LAMA2: variants seen among roughly 807,000 people sequenced by gnomAD.
The protein encoded by LAMA2 is laminin subunit alpha-2.
In LAMA2, 269 loss-of-function variants were observed where a neutral mutation model predicts 364.8. The observed-to-expected ratio is 0.74, with a 90% confidence interval of 0.67 to 0.82. The LOEUF (loss-of-function observed/expected upper bound fraction) is 0.82, where lower values mean the gene tolerates loss of function less well. Ranked by LOEUF, LAMA2 falls within the 40% of genes least tolerant of loss-of-function variation. The pLI, the probability that LAMA2 is intolerant of heterozygous loss-of-function variation, is 0.00. For missense variants in LAMA2, 3,807 were observed against 3,873.2 expected (o/e 0.98, Z 0.45); for synonymous variants, 1,379 against 1,370.6 (o/e 1.01, Z -0.14).
rs894918042 is a variant in LAMA2, at chr6:129,315,814, A to G, written c.3788A>G (p.Glu1263Gly). 6.2e-7 allele frequency: 1 copy of G among 1,614,112 alleles called. No homozygotes were observed. Among genetic ancestry groups the G allele is most frequent in the South Asian group, 1.1e-5 (1 of 91,076 alleles). Residue 1263 changes from glutamate to glycine, a missense_variant, in exon 26 of 65, where the codon GAA (glutamate) becomes GGA (glycine). Glu to Gly is a moderately conservative substitution (Grantham distance 98). Transcript: ENST00000421865. ...LKYAIYFEAR[E>G]ETGFSTYNPQ... ...TATGCAATCTATTTCGAGGCTCGGG[A>G]AGAAACAGGTTTCTCTACATATAAT...
intron 1 of LAMA2, among the ~76,000 whole-genome samples, chr6:128,995,184 CATTTT>C (rs1783851003): frequency 6.6e-6 from 1 of 152,068 alleles, no homozygotes; most frequent in South Asian, 2.1e-4. Context: ...GACTGTTTTC[CATTTT>C]ATTTTATTTT....
intron 1 of LAMA2, among the ~76,000 whole-genome samples, chr6:128,921,359 A>G (rs965274726): frequency 6.6e-6 from 1 of 152,188 alleles, no homozygotes; most frequent in Non-Finnish European, 1.5e-5. Context: ...GCATCCTTCA[A>G]AAAGAAATGT....
At chr6:128,900,944 G>T (rs185137662) in intron 1 of LAMA2, among the ~76,000 whole-genome samples, 18 of 152,320 alleles carry the variant, frequency 1.2e-4, no homozygotes, top group South Asian at 1.0e-3. Flanking sequence ...TTGAGGCCAG[G>T]AGTTCAAGAC....
At chr6:129,193,961 G>A (rs1301271848) in intron 12 of LAMA2, among the ~76,000 whole-genome samples, 1 of 152,092 alleles carries the variant, frequency 6.6e-6, no homozygotes, top group Non-Finnish European at 1.5e-5. Context: ...TACAAAAAAT[G>A]TGTAAATGTC....
intron 12 of LAMA2, among the ~76,000 whole-genome samples, chr6:129,202,351 T>G (rs1782358193): frequency 6.6e-6 from 1 of 152,064 alleles, no homozygotes; most frequent in South Asian, 2.1e-4. Context: ...TGTGATAGTA[T>G]TTAGAGGTGG....
chr6:129,300,632 C>T, intron 21 of LAMA2, 104 bp from the exon 22 acceptor site: 1 of 1,200,622 alleles, frequency 8.3e-7, no homozygotes, highest in South Asian at 1.2e-5. Flanking sequence ...AAGTGTAGAA[C>T]TGAAAAGAAA....
intron 1 of LAMA2, among the ~76,000 whole-genome samples, chr6:129,034,536 T>C (rs1786478560): frequency 6.6e-6 from 1 of 152,064 alleles, no homozygotes; most frequent in African/African-American, 2.4e-5. Flanking sequence ...GTATATTGTG[T>C]AATGGTGAGG....
chr6:129,315,498 C>T lies in LAMA2; in HGVS notation c.3578C>T (p.Thr1193Ile). ...CAGGTGACTCTGAAGGCTGAGCAGA[C>T]CATTCTACCCCTGGTAGATGAGGCT... ...RTWVTLKAEQTILPLVDEALQ... is the reference protein window; with the variant it reads ...RTWVTLKAEQIILPLVDEALQ... The change falls in exon 25 of 65, where the codon ACC becomes ATC. Residue 1193 changes from threonine (T) to isoleucine (I), a missense_variant. Thr to Ile is a moderately conservative substitution (Grantham distance 89). This residue lies in a region of LAMA2 where 3,333 missense variants were observed against 3,345.7 expected (regional missense o/e 1.00). Transcript: ENST00000421865. The T allele has an allele frequency of 6.2e-7, 1 of 1,614,166 alleles. No individual in the cohort carries two copies. Among genetic ancestry groups the T allele is most frequent in the Non-Finnish European group, 8.5e-7 (1 of 1,180,006 alleles).
chr6:129,069,850 T>C (rs956882888), intron 3 of LAMA2, among the ~76,000 whole-genome samples: 5 of 147,888 alleles, frequency 3.4e-5, no homozygotes, highest in African/African-American at 1.2e-4. Context: ...TATACAATTA[T>C]ATTAATTATA....
At chr6:129,169,373 G>A (rs573423474) in intron 9 of LAMA2, among the ~76,000 whole-genome samples, 1 of 149,018 alleles carries the variant, frequency 6.7e-6, no homozygotes, top group Admixed American at 6.6e-5. Flanking sequence ...TAGCATGAAG[G>A]GTTGTTGAAT....
intron 1 of LAMA2, among the ~76,000 whole-genome samples, chr6:128,988,081 G>C (rs1783379928): frequency 6.6e-6 from 1 of 152,130 alleles, no homozygotes. Flanking sequence ...GGCCAGGCTG[G>C]TCTCGAACTC....
intron 1 of LAMA2, among the ~76,000 whole-genome samples, chr6:128,943,914 T>C (rs370270706): frequency 6.6e-6 from 1 of 152,178 alleles, no homozygotes; most frequent in Non-Finnish European, 1.5e-5. Flanking sequence ...ATTTGGTACA[T>C]GTATGTATGA....
At chr6:129,087,815 T>A (rs1407802162) in intron 3 of LAMA2, among the ~76,000 whole-genome samples, 10 of 150,638 alleles carry the variant, frequency 6.6e-5, no homozygotes, top group Admixed American at 6.6e-4. Context: ...CTTAAGAAAG[T>A]CCCTAGAGAA....
intron 1 of LAMA2, among the ~76,000 whole-genome samples, chr6:128,927,752 C>T (rs1049657724): frequency 3.3e-5 from 5 of 152,080 alleles, no homozygotes; most frequent in South Asian, 2.1e-4. Flanking sequence ...GATTCTATTT[C>T]GTTTTTTGTC....
In LAMA2 at chr6:129,140,202, C is replaced by T. The variant is rs573659093; in HGVS notation, c.640-3699C>T. On this transcript the variant is annotated intron_variant, in intron 4 of 64. Transcript: ENST00000421865. Reference sequence around the variant, plus strand: ...TAAAATGTATTCTAAAATAAAAATGCCATTGAGGCACAGAGGTCTTACTAA... The same window carrying T: ...TAAAATGTATTCTAAAATAAAAATGTCATTGAGGCACAGAGGTCTTACTAA... 6.6e-5 allele frequency among the ~76,000 whole-genome samples: 10 copies of T among 152,048 alleles called. No individual in the cohort carries two copies. The South Asian group carries it at 2.1e-3, about 32-fold the overall frequency.
chr6:129,400,128 C>T (rs759503040), intron 37 of LAMA2, among the ~76,000 whole-genome samples: 4 of 152,108 alleles, frequency 2.6e-5, no homozygotes, highest in African/African-American at 4.8e-5. Context: ...TCATAGACAC[C>T]GTTTTCACTG....
At chr6:129,370,560 T>C (rs1263414879) in intron 34 of LAMA2, among the ~76,000 whole-genome samples, 1 of 152,246 alleles carries the variant, frequency 6.6e-6, no homozygotes, top group Non-Finnish European at 1.5e-5. Flanking sequence ...AAAAACTTTT[T>C]GCAGTTAGAG....
intron 12 of LAMA2, among the ~76,000 whole-genome samples, chr6:129,212,757 G>A (rs995026078): frequency 2.0e-5 from 3 of 152,198 alleles, no homozygotes; most frequent in African/African-American, 7.2e-5. Context: ...CACTTAGGAA[G>A]CAGCTGCCTT....
chr6:129,316,305 G>A, intron 27 of LAMA2, 134 bp downstream of exon 27: 1 of 722,730 alleles, frequency 1.4e-6, no homozygotes. Flanking sequence ...AAACCATGGA[G>A]GCTTCCCTGT....
Sources: allele counts gnomAD v4.1 joint callset (sites outside exome capture counted in the v4.1 genomes callset), GRCh38; gene constraint gnomAD v4.1.1; regional missense constraint gnomAD v4.1.1; transcripts MANE v1.5; gene names NCBI Gene and HGNC (gene_info 2026-07-23, HGNC 2026-07-21).